DTHD1: variants seen among roughly 807,000 people sequenced by gnomAD.
The protein encoded by DTHD1 is death domain-containing protein 1.
In DTHD1, 59 loss-of-function variants were observed where a neutral mutation model predicts 74.8. The ratio of observed to expected loss-of-function variants is 0.79; its 90% CI spans 0.64 to 0.98. The LOEUF (loss-of-function observed/expected upper bound fraction) is 0.98, where lower values mean the gene tolerates loss of function less well. DTHD1 is among the 50% of genes least tolerant of loss of function. The pLI, the probability that DTHD1 is intolerant of heterozygous loss-of-function variation, is 0.00. For missense variants in DTHD1, 1,051 were observed against 1,065.4 expected, an observed-to-expected ratio of 0.99 and a Z score of 0.19; for synonymous variants, 365 against 371.1, an observed-to-expected ratio of 0.98 and a Z score of 0.19.
intron 7 of DTHD1, among the ~76,000 whole-genome samples, chr4:36,314,438 C>A (rs373341356): frequency 3.4e-5 from 5 of 144,936 alleles, no homozygotes; most frequent in South Asian, 4.3e-4. Context: ...TTTGGGAGGC[C>A]AAGGAGGGTG....
chr4:36,288,264 A>C (rs996584610), intron 2 of DTHD1, among the ~76,000 whole-genome samples: 1 of 152,174 alleles, frequency 6.6e-6, no homozygotes, highest in East Asian at 1.9e-4. Context: ...ATGCCAGCTA[A>C]TTTTTACATC....
At chr4:36,299,472 C>A (rs1383359136) in intron 5 of DTHD1, among the ~76,000 whole-genome samples, 1 of 152,084 alleles carries the variant, frequency 6.6e-6, no homozygotes, top group Non-Finnish European at 1.5e-5. Context: ...TGGTGTTTTG[C>A]GTCTATGTAT....
rs1424162807 is a variant in DTHD1 at position 36,344,843 on chromosome 4, A to G, written c.*1019A>G. On this transcript the variant is annotated 3_prime_UTR_variant, in exon 10 of 10. Coordinates refer to ENST00000639862, the MANE Select transcript of DTHD1 (RefSeq NM_001170700.3). The stretch of plus-strand genomic sequence containing the variant: ...TTGACTCAGGCAACCAATTCAAGTT[A>G]CATAGATACCATAGAGCCTACAGTA... 6.6e-6 allele frequency: 1 copy of G among 152,152 alleles called. No individual in the cohort carries two copies. The highest frequency in any genetic ancestry group is 2.4e-5 in the African/African-American group (1 of 41,434). The allele number at this position is 152,152 out of a possible 1,614,324, so 9.4% of individuals were successfully genotyped here. A position where few individuals can be genotyped will look rare whatever the true frequency, so the allele number is the denominator to read the frequency against.
chr4:36,284,315 A>G lies in DTHD1; in HGVS notation c.611A>G (p.Gln204Arg). The G allele has an allele frequency of 6.5e-7, 1 of 1,537,230 alleles. No homozygotes were observed. Among genetic ancestry groups the G allele is most frequent in the Non-Finnish European group, 8.7e-7 (1 of 1,146,862 alleles). ...NTSLNGRVLG[Q>R]EESQNKMFPD... ...TCACTGAATGGACGTGTACTGGGGC[A>G]AGAAGAGTCACAGAATAAAATGTTC... is the stretch of plus-strand genomic sequence containing the variant. Residue 204 changes from glutamine to arginine, a missense_variant, in exon 2 of 10, where the codon CAA (glutamine) becomes CGA (arginine). By Grantham distance (43) the Gln-to-Arg change is conservative (BLOSUM62 1). Transcript: ENST00000639862.
At chr4:36,340,288 G>T (rs973291545) in intron 9 of DTHD1, among the ~76,000 whole-genome samples, 1 of 152,322 alleles carries the variant, frequency 6.6e-6, no homozygotes, top group Middle Eastern at 3.4e-3. Flanking sequence ...TTTGTCAACA[G>T]GGGACTGGCA....
At chr4:36,298,101 T>G (rs559602888) in intron 5 of DTHD1, among the ~76,000 whole-genome samples, 119 of 152,186 alleles carry the variant, frequency 7.8e-4, no homozygotes, top group Non-Finnish European at 1.5e-3. Context: ...TCTGCCACAT[T>G]TAACTGATAT....
intron 6 of DTHD1, among the ~76,000 whole-genome samples, chr4:36,307,557 T>C (rs538761206): frequency 6.6e-6 from 1 of 152,338 alleles, no homozygotes; most frequent in East Asian, 1.9e-4. Flanking sequence ...TACTTCAACA[T>C]ATGAATGTGT....
chr4:36,337,774 T>C (rs1759093523), intron 8 of DTHD1, among the ~76,000 whole-genome samples: 1 of 152,232 alleles, frequency 6.6e-6, no homozygotes, highest in Non-Finnish European at 1.5e-5. Context: ...TAACTTGTAT[T>C]AGAGTGCTCA....
At chr4:36,334,860 A>G (rs1758917591) in intron 8 of DTHD1, among the ~76,000 whole-genome samples, 1 of 152,204 alleles carries the variant, frequency 6.6e-6, no homozygotes, top group African/African-American at 2.4e-5. Context: ...CCTTAAATGT[A>G]TGATGATAAC....
chr4:36,285,402 A>G (rs1755641708), intron 2 of DTHD1, among the ~76,000 whole-genome samples: 1 of 152,164 alleles, frequency 6.6e-6, no homozygotes, highest in African/African-American at 2.4e-5. Flanking sequence ...GATTTTATGG[A>G]TGAGCTTTGG....
At chr4:36,341,471 G>A (rs1349517544) in intron 9 of DTHD1, among the ~76,000 whole-genome samples, 1 of 152,192 alleles carries the variant, frequency 6.6e-6, no homozygotes, top group African/African-American at 2.4e-5. Context: ...CATGGGCTGA[G>A]TGAAACAGAA....
At chr4:36,334,358 G>GTTTTT (rs34455692) in intron 8 of DTHD1, among the ~76,000 whole-genome samples, 3 of 138,904 alleles carry the variant, frequency 2.2e-5, no homozygotes, top group Non-Finnish European at 1.6e-5. Context: ...ATTTTTTTTG[G>GTTTTT]TTTTTTTTTT....
intron 8 of DTHD1, among the ~76,000 whole-genome samples, chr4:36,327,847 C>G (rs1461284814): frequency 2.0e-5 from 3 of 152,038 alleles, no homozygotes; most frequent in South Asian, 4.1e-4. Context: ...CCTGGATGCC[C>G]CTTCCTTCTA....
intron 2 of DTHD1, among the ~76,000 whole-genome samples, chr4:36,288,829 T>A (rs1244960503): frequency 6.6e-6 from 1 of 152,220 alleles, no homozygotes; most frequent in East Asian, 1.9e-4. Context: ...TGTATTCAGA[T>A]GGTTTCCAAG....
At position 36,290,443 on chromosome 4, in the gene DTHD1, C is replaced by A. The variant is rs1279403722; in HGVS notation, c.958C>A (p.Leu320Ile). Residue 320 changes from leucine (L) to isoleucine (I), a missense_variant, in exon 3 of 10, where the codon CTA becomes ATA. Physicochemically the swap from Leu to Ile is conservative, Grantham distance 5. Transcript: ENST00000639862. ...TTATATTACAGCACCATCATATGTT[C>A]TACAACAACTAGAATGCCGGATAAT... The part of the protein sequence containing the change: ...SCYITAPSYV[L>I]QQLECRIINH... 1 of 1,551,854 alleles carries A rather than the reference C, an allele frequency of 6.4e-7. No homozygotes were observed.
At chr4:36,299,294 C>T (rs1184303970) in intron 5 of DTHD1, among the ~76,000 whole-genome samples, 1 of 152,110 alleles carries the variant, frequency 6.6e-6, no homozygotes. Flanking sequence ...GACCACCTAC[C>T]ACCTTTGATA....
At chr4:36,289,202 T>C (rs1755906439) in intron 2 of DTHD1, among the ~76,000 whole-genome samples, 1 of 152,200 alleles carries the variant, frequency 6.6e-6, no homozygotes, top group Non-Finnish European at 1.5e-5. Flanking sequence ...TTCAATCATT[T>C]CACTGGTATA....
intron 8 of DTHD1, among the ~76,000 whole-genome samples, chr4:36,336,523 A>C (rs1759018539): frequency 6.6e-6 from 1 of 152,180 alleles, no homozygotes; most frequent in Non-Finnish European, 1.5e-5. Context: ...AGGAGAGTGC[A>C]GGTCTGAGTG....
At chr4:36,331,969 G>A (rs748140419) in intron 8 of DTHD1, among the ~76,000 whole-genome samples, 19 of 152,032 alleles carry the variant, frequency 1.2e-4, no homozygotes, top group East Asian at 1.9e-4. Flanking sequence ...ATTATTGACC[G>A]CACAAGGAAC....
Sources: gnomAD v4.1 joint callset for allele counts (sites outside exome capture counted in the v4.1 genomes callset) on GRCh38, gnomAD v4.1.1 for gene constraint, MANE v1.5 for transcripts, NCBI Gene and HGNC (gene_info 2026-07-23, HGNC 2026-07-21) for gene names.